Variants in GNAI1 observed in about 807,000 individuals in gnomAD.
GNAI1 encodes the protein G protein subunit alpha i1, also known as guanine nucleotide-binding protein G(i) subunit alpha-1.
GNAI1 carries 11 observed loss-of-function variants against 38.9 expected under a neutral mutation model. The observed-to-expected ratio is 0.28, with a 90% CI of 0.18 to 0.47. The LOEUF (loss-of-function observed/expected upper bound fraction) is 0.47, where lower values mean the gene tolerates loss of function less well. Among genes scored for constraint, GNAI1 ranks in the 20% least tolerant of loss-of-function variants. GNAI1 has a pLI of 0.99. For synonymous variants in GNAI1, 166 were observed against 145.1 expected, an observed-to-expected ratio of 1.14 and a Z score of -1.04; for missense variants, 317 against 436.9, an observed-to-expected ratio of 0.73 and a Z score of 2.45.
intron 1 of GNAI1, among the ~76,000 whole-genome samples, chr7:80,185,949 A>C (rs774505992): frequency 6.6e-6 from 1 of 151,736 alleles, no homozygotes; most frequent in African/African-American, 2.4e-5. Flanking sequence ...GCCTGTAGAT[A>C]TCTATTCCAC....
chr7:80,166,515 T>C (rs928584901), intron 1 of GNAI1, among the ~76,000 whole-genome samples: 1 of 152,178 alleles, frequency 6.6e-6, no homozygotes, highest in Non-Finnish European at 1.5e-5. Flanking sequence ...TATAAATGTG[T>C]TTAGAAGATA....
chr7:80,149,324 T>C (rs2116094460), intron 1 of GNAI1, among the ~76,000 whole-genome samples: 1 of 152,280 alleles, frequency 6.6e-6, no homozygotes, highest in Middle Eastern at 3.4e-3. Context: ...TGTCAAATTT[T>C]ATGCATGTAT....
chr7:80,184,071 A>AC (rs1788347644), intron 1 of GNAI1, among the ~76,000 whole-genome samples: 2 of 152,058 alleles, frequency 1.3e-5, no homozygotes, highest in African/African-American at 4.8e-5. Context: ...CTTAAAGGAG[A>AC]CCAGTGGGCG....
Position 80,157,147 on chromosome 7 carries a change from G to A in GNAI1, c.118+21869G>A, listed in dbSNP as rs114272654. On this transcript the variant is annotated intron_variant, in intron 1 of 7. Transcript: ENST00000649796. ...TCCTACCTTATGCTAAGCAACCACTGATCTTTTTTACTGTCTCCATAGTTT... is the reference window on the plus strand; with the variant it reads ...TCCTACCTTATGCTAAGCAACCACTAATCTTTTTTACTGTCTCCATAGTTT... 3.8e-3 allele frequency among the ~76,000 whole-genome samples: 578 copies of A among 152,236 alleles called. 4 individuals carry two copies. The highest frequency in any genetic ancestry group is 0.013 in the African/African-American group (536 of 41,546).
chr7:80,135,648 A>AGCCCCCCCCCCCCCCC, intron 1 of GNAI1: 1 of 38,264 alleles, frequency 2.6e-5, no homozygotes, highest in Non-Finnish European at 4.6e-5. Flanking sequence ...AAATGAAAAC[A>AGCCCCCCCCCCCCCCC]CCCCCCCCCC....
rs1188517283 is a variant in GNAI1, at chr7:80,221,709, C to T, written c.*4216C>T. On this transcript the variant is annotated 3_prime_UTR_variant, in exon 8 of 8. Transcript: ENST00000649796. The stretch of plus-strand genomic sequence containing the variant: ...CCAGGCTGGAGTGCAGTCGTGCAAT[C>T]TCCACTCTCTGCAACCTCCAACTCC... 1.6e-5 allele frequency among the ~76,000 whole-genome samples: 2 copies of T among 126,512 alleles called. No individual in the cohort carries two copies. The highest frequency in any genetic ancestry group is 3.1e-5 in the Non-Finnish European group (2 of 63,534). 83.0% of individuals were successfully genotyped at this position (126,512 alleles called of 152,430 possible). A position where few individuals can be genotyped will look rare whatever the true frequency, so the allele number is the denominator to read the frequency against.
Position 80,225,100 on chromosome 7 carries a change from A to C in GNAI1, c.*7607A>C, listed in dbSNP as rs1332404486. Among the ~76,000 whole-genome samples the C allele has an allele frequency of 1.3e-5, 2 of 152,180 alleles. No individual in the cohort carries two copies. The highest frequency in any genetic ancestry group is 6.5e-5 in the Admixed American group (1 of 15,284). On this transcript the variant is annotated 3_prime_UTR_variant, in exon 8 of 8. Coordinates refer to ENST00000649796, the MANE Select transcript of GNAI1 (RefSeq NM_002069.6). ...TGGGTCTTGGTGTCTTGAATAAATC[A>C]CACCTTCAGTGACTTTCTTGGGAAA...
At chr7:80,172,676 C>G (rs541578694) in intron 1 of GNAI1, among the ~76,000 whole-genome samples, 3 of 152,204 alleles carry the variant, frequency 2.0e-5, no homozygotes, top group Non-Finnish European at 4.4e-5. Flanking sequence ...AGAATCCTTC[C>G]AGATTGTAAC....
Position 80,223,503 on chromosome 7 carries a change from C to T in GNAI1, c.*6010C>T, listed in dbSNP as rs1789114137. Among the ~76,000 whole-genome samples, 1 of 152,072 alleles carries T rather than the reference C, an allele frequency of 6.6e-6. No homozygotes were observed. The highest frequency in any genetic ancestry group is 2.4e-5 in the African/African-American group (1 of 41,422). ...ACTTCACAGAGTTTTAGCTTTGATCCTTCCTTCACTTTTGAAAATCAAGAG... is the reference window on the plus strand; with the variant it reads ...ACTTCACAGAGTTTTAGCTTTGATCTTTCCTTCACTTTTGAAAATCAAGAG... On this transcript the variant is annotated 3_prime_UTR_variant, in exon 8 of 8. Transcript: ENST00000649796.
At chr7:80,184,217 A>G (rs570779735) in intron 1 of GNAI1, among the ~76,000 whole-genome samples, 8 of 152,282 alleles carry the variant, frequency 5.3e-5, no homozygotes, top group Non-Finnish European at 7.4e-5. Context: ...GTTTTAGAGG[A>G]GTGAAAATTT....
At chr7:80,176,906 T>C (rs2428466) in intron 1 of GNAI1, among the ~76,000 whole-genome samples, 58,927 of 133,824 alleles carry the variant, frequency 0.44, 13,394 homozygotes, top group African/African-American at 0.6. Flanking sequence ...CACCGCACTC[T>C]AGCCTGGGCG....
intron 1 of GNAI1, among the ~76,000 whole-genome samples, chr7:80,147,650 C>G (rs1787651757): frequency 6.6e-6 from 1 of 152,160 alleles, no homozygotes; most frequent in Admixed American, 6.6e-5. Context: ...CACTTCAGCT[C>G]TTCTGATCTG....
chr7:80,138,920 C>T (rs1399917973), intron 1 of GNAI1, among the ~76,000 whole-genome samples: 1 of 152,148 alleles, frequency 6.6e-6, no homozygotes, highest in Non-Finnish European at 1.5e-5. Flanking sequence ...TGCCACCAGG[C>T]AGCCCTTTGG....
chr7:80,157,206 T>A (rs1445730955), intron 1 of GNAI1, among the ~76,000 whole-genome samples: 1 of 152,202 alleles, frequency 6.6e-6, no homozygotes, highest in Non-Finnish European at 1.5e-5. Flanking sequence ...GTTGAAATCA[T>A]GTAGTATGTA....
chr7:80,193,671 A>G (rs1448984025), intron 3 of GNAI1, among the ~76,000 whole-genome samples: 1 of 152,200 alleles, frequency 6.6e-6, no homozygotes, highest in Non-Finnish European at 1.5e-5. Context: ...GTGCCTGTCC[A>G]CAAGAGTGTG....
At chr7:80,204,932 C>T (rs537667975) in intron 5 of GNAI1, among the ~76,000 whole-genome samples, 7 of 152,072 alleles carry the variant, frequency 4.6e-5, no homozygotes, top group Admixed American at 1.3e-4. Flanking sequence ...TTTAAAAATA[C>T]AGATGTTCCT....
intron 1 of GNAI1, among the ~76,000 whole-genome samples, chr7:80,177,024 C>CTTTTTTT (rs569135086): frequency 3.3e-5 from 2 of 61,178 alleles, no homozygotes; most frequent in East Asian, 5.1e-4. Flanking sequence ...GACAGCATAT[C>CTTTTTTT]TTTTTTTTTT....
rs78251007 is a variant in GNAI1, at chr7:80,200,047, G to T, written c.461+665G>T. Among the ~76,000 whole-genome samples the T allele has an allele frequency of 3.1e-3, 468 of 152,074 alleles. 5 individuals are homozygous for T. Among genetic ancestry groups the T allele is most frequent in the African/African-American group, 0.011 (451 of 41,468 alleles). On this transcript the variant is annotated intron_variant, in intron 4 of 7. Coordinates refer to ENST00000649796, the MANE Select transcript of GNAI1 (RefSeq NM_002069.6). ...CTAATCAGGGAGGCTGGGTGAGGTG[G>T]CTCATTGCTTGTAATCCCAGCACTT...
At chr7:80,139,157 G>T (rs766802043) in intron 1 of GNAI1, among the ~76,000 whole-genome samples, 4 of 152,008 alleles carry the variant, frequency 2.6e-5, no homozygotes, top group Admixed American at 1.3e-4. Context: ...AGTTACTTTA[G>T]TAAGAAGCCA....
Sources: gnomAD v4.1 joint callset for allele counts (sites outside exome capture counted in the v4.1 genomes callset) on GRCh38, gnomAD v4.1.1 for gene constraint, MANE v1.5 for transcripts, NCBI Gene and HGNC (gene_info 2026-07-23, HGNC 2026-07-21) for gene names.